The following PRKG1 variants were observed in gnomAD, a reference collection of about 807,000 sequenced individuals.
The protein encoded by PRKG1 is cGMP-dependent protein kinase 1.
PRKG1 carries 35 observed loss-of-function variants against 88.1 expected under a neutral mutation model. The ratio of observed to expected loss-of-function variants is 0.40; its 90% CI spans 0.30 to 0.53. The LOEUF (loss-of-function observed/expected upper bound fraction) is 0.53, where lower values mean the gene tolerates loss of function less well. Among genes scored for constraint, PRKG1 ranks in the 20% least tolerant of loss-of-function variants. PRKG1 has a pLI of 0.59. For missense variants in PRKG1, 540 were observed against 839.8 expected, an observed-to-expected ratio of 0.64 and a Z score of 4.41; for synonymous variants, 303 against 292.5, an observed-to-expected ratio of 1.04 and a Z score of -0.37.
Position 51,022,604 on chromosome 10 carries a change from C to G in PRKG1, c.266+30960C>G, listed in dbSNP as rs73316829. On this transcript the variant is annotated intron_variant, in intron 1 of 17. Coordinates refer to the PRKG1 transcript ENST00000401604. ...TCTCAGCTCTTTAATGTAAACTTAG[C>G]CCAAGTGAGCTGCTTGAGATGAAAG... Among the ~76,000 whole-genome samples, 1,417 of 152,126 alleles carry G rather than the reference C, an allele frequency of 9.3e-3. 25 individuals are homozygous for G. Among genetic ancestry groups the G allele is most frequent in the African/African-American group, 0.033 (1,354 of 41,496 alleles).
intron 3 of PRKG1, among the ~76,000 whole-genome samples, chr10:51,758,499 G>C (rs937825089): frequency 6.6e-6 from 1 of 152,130 alleles, no homozygotes; most frequent in Non-Finnish European, 1.5e-5. Flanking sequence ...CTTTCAGCTT[G>C]AGCAGAAGGG....
chr10:51,647,488 C>A (rs1321773060), intron 3 of PRKG1, among the ~76,000 whole-genome samples: 1 of 152,160 alleles, frequency 6.6e-6, no homozygotes, highest in Non-Finnish European at 1.5e-5. Context: ...AACAACTAAG[C>A]GAACTTGGCT....
intron 2 of PRKG1, among the ~76,000 whole-genome samples, chr10:51,180,396 T>C (rs772021024): frequency 2.0e-5 from 3 of 152,204 alleles, no homozygotes; most frequent in Admixed American, 6.5e-5. Context: ...TGCTGTCTGC[T>C]TCCCTCCCTT....
At chr10:51,420,540 C>A (rs1408716054) in intron 2 of PRKG1, among the ~76,000 whole-genome samples, 1 of 152,078 alleles carries the variant, frequency 6.6e-6, no homozygotes, top group Non-Finnish European at 1.5e-5. Context: ...AACAGCAAAT[C>A]CAGAGGTATC....
chr10:51,276,829 T>C (rs979866548), intron 2 of PRKG1, among the ~76,000 whole-genome samples: 2 of 152,172 alleles, frequency 1.3e-5, no homozygotes, highest in African/African-American at 2.4e-5. Flanking sequence ...TCTCGTAAAT[T>C]TGTTTGATTT....
chr10:51,225,030 A>G (rs1038859224), intron 2 of PRKG1, among the ~76,000 whole-genome samples: 2 of 152,248 alleles, frequency 1.3e-5, no homozygotes, highest in African/African-American at 4.8e-5. Flanking sequence ...TGCAGTTAAC[A>G]TGAAAGGAAA....
intron 2 of PRKG1, among the ~76,000 whole-genome samples, chr10:51,323,227 C>G (rs535214046): frequency 2.5e-4 from 38 of 152,270 alleles, no homozygotes; most frequent in Admixed American, 1.6e-3. Context: ...TTATGCATAG[C>G]ACAGTAATTT....
chr10:51,569,994 C>A (rs1365339788), intron 3 of PRKG1, among the ~76,000 whole-genome samples: 1 of 149,296 alleles, frequency 6.7e-6, no homozygotes, highest in African/African-American at 2.5e-5. Flanking sequence ...TAATTTAGAT[C>A]TGACGATAAG....
At chr10:51,011,044 G>T (rs1175823355) in intron 1 of PRKG1, among the ~76,000 whole-genome samples, 4 of 152,150 alleles carry the variant, frequency 2.6e-5, no homozygotes, top group Non-Finnish European at 4.4e-5. Context: ...TTCTCCAGTG[G>T]ATCCTAGCAC....
intron 2 of PRKG1, among the ~76,000 whole-genome samples, chr10:51,409,258 GA>G (rs754419019): frequency 3.3e-5 from 5 of 152,220 alleles, no homozygotes; most frequent in Non-Finnish European, 7.4e-5. Flanking sequence ...CTGATCATAG[GA>G]AACTCCCCAT....
At chr10:51,337,728 A>T (rs1428788287) in intron 2 of PRKG1, among the ~76,000 whole-genome samples, 2 of 152,186 alleles carry the variant, frequency 1.3e-5, no homozygotes, top group Non-Finnish European at 1.5e-5. Context: ...CAGAACAATG[A>T]TTATTAAAAA....
At chr10:51,222,749 C>G (rs960503194) in intron 2 of PRKG1, among the ~76,000 whole-genome samples, 18 of 152,062 alleles carry the variant, frequency 1.2e-4, no homozygotes, top group Non-Finnish European at 2.2e-4. Context: ...ATGAGTACTT[C>G]ATGAGAAGAG....
chr10:52,017,613 G>C lies in PRKG1; in HGVS notation c.763-36871G>C, dbSNP rs114084633. Among the ~76,000 whole-genome samples, 669 of 152,242 alleles carry C rather than the reference G, an allele frequency of 4.4e-3. 8 individuals carry two copies. Among genetic ancestry groups the C allele is most frequent in the African/African-American group, 0.015 (642 of 41,550 alleles). On this transcript the variant is annotated intron_variant, in intron 5 of 17. Transcript: ENST00000373980. ...TAGGAGCAGAAGTAGAATTTGATGG[G>C]ATATAGATAAAAAGTTTAGATATGA...
intron 4 of PRKG1, among the ~76,000 whole-genome samples, chr10:51,868,072 A>G (rs900522503): frequency 3.9e-5 from 6 of 152,128 alleles, no homozygotes; most frequent in African/African-American, 1.4e-4. Context: ...TGGAAGGAAA[A>G]TGGAATGGAG....
At chr10:52,117,572 A>G (rs1219667095) in intron 7 of PRKG1, among the ~76,000 whole-genome samples, 2 of 152,112 alleles carry the variant, frequency 1.3e-5, no homozygotes, top group African/African-American at 2.4e-5. Context: ...GTAAGACCTC[A>G]GCAGCCTCTC....
At chr10:52,267,250 CT>C (rs34899950) in intron 10 of PRKG1, among the ~76,000 whole-genome samples, 71,739 of 151,772 alleles carry the variant, frequency 0.47, 18,651 homozygotes, top group Non-Finnish European at 0.59. Context: ...TCAGAGTTTA[CT>C]TTAAAAAAAA....
At chr10:52,229,050 T>A (rs1234123528) in intron 9 of PRKG1, among the ~76,000 whole-genome samples, 1 of 152,330 alleles carries the variant, frequency 6.6e-6, no homozygotes, top group East Asian at 1.9e-4. Flanking sequence ...AAATATGCTT[T>A]GATGGAGCCT....
At chr10:51,103,964 G>A (rs146813518) in intron 1 of PRKG1, among the ~76,000 whole-genome samples, 9 of 152,276 alleles carry the variant, frequency 5.9e-5, no homozygotes, top group African/African-American at 1.7e-4. Context: ...GGCTATGAAG[G>A]ACATTTATAG....
In PRKG1 at chr10:51,394,535, GAAT is replaced by G. The variant is rs1399546993; in HGVS notation, c.479-73185_479-73183del. ...ACCTGGATTTTAAGAGGCAGGAGGG[GAAT>G]AAACTCCAACTCCCAATGGAGAGAG... On this transcript the variant is annotated intron_variant, in intron 2 of 17. Coordinates refer to ENST00000373980, the MANE Select transcript of PRKG1 (RefSeq NM_006258.4). Among the ~76,000 whole-genome samples the G allele has an allele frequency of 3.3e-5, 5 of 152,268 alleles. No individual in the cohort carries two copies. In the East Asian group the frequency reaches 9.7e-4, roughly 29 times the overall value.
Sources: gnomAD v4.1 joint callset for allele counts (sites outside exome capture counted in the v4.1 genomes callset) on GRCh38, gnomAD v4.1.1 for gene constraint, MANE v1.5 for transcripts, NCBI Gene and HGNC (gene_info 2026-07-23, HGNC 2026-07-21) for gene names.